Variants in GPC3 observed in about 807,000 individuals in gnomAD.
GPC3 encodes glypican 3.
In GPC3, 3 loss-of-function variants were observed where a neutral mutation model predicts 34.4. The observed-to-expected ratio is 0.09, with a 90% confidence interval of 0.04 to 0.23. GPC3 has a LOEUF of 0.23. GPC3 is among the 10% of genes least tolerant of loss of function. The pLI is 1.00. For missense variants in GPC3, 351 were observed against 445.6 expected (o/e 0.79, Z 1.91); for synonymous variants, 177 against 174.0 (o/e 1.02, Z -0.13).
At chrX:133,858,227 T>A (rs184892552) in intron 2 of GPC3, among the ~76,000 whole-genome samples, 65 of 112,328 alleles carry the variant, frequency 5.8e-4, no homozygotes, top group African/African-American at 2.0e-3. Flanking sequence ...CCTTCTCCTA[T>A]AACCACCCTT....
intron 7 of GPC3, among the ~76,000 whole-genome samples, chrX:133,541,601 C>T (rs1163030864): frequency 8.9e-6 from 1 of 112,342 alleles, no homozygotes; most frequent in African/African-American, 3.2e-5. Context: ...GCCCCTGACT[C>T]TCATTTCGCC....
At chrX:133,837,585 T>C (rs2075805546) in intron 2 of GPC3, among the ~76,000 whole-genome samples, 1 of 111,760 alleles carries the variant, frequency 8.9e-6, no homozygotes, top group Non-Finnish European at 1.9e-5. Flanking sequence ...CCTCATTGCC[T>C]GATTTGGAGT....
At chrX:133,974,038 TTTTTGTTTTG>T (rs369459584) in intron 1 of GPC3, among the ~76,000 whole-genome samples, 1 of 111,719 alleles carries the variant, frequency 9.0e-6, no homozygotes, top group African/African-American at 3.3e-5. Flanking sequence ...TTCAGCGTTT[TTTTTGTTTTG>T]TTTTGTTTTG....
intron 2 of GPC3, among the ~76,000 whole-genome samples, chrX:133,946,525 A>C (rs2076369663): frequency 9.0e-6 from 1 of 110,871 alleles, no homozygotes; most frequent in Non-Finnish European, 1.9e-5. Flanking sequence ...TCCTCACCCA[A>C]GCCCTCAACT....
Position 133,894,159 on chromosome X carries a change from C to T in GPC3, c.337+58891G>A, listed in dbSNP as rs764436798. ...TGCCCAGCCTGATTAAAAGTCTTGA[C>T]CTTTTGATTTTACAATGCAAGTTCA... On this transcript the variant is annotated intron_variant, in intron 2 of 7. Coordinates refer to ENST00000370818, the MANE Select transcript of GPC3 (RefSeq NM_004484.4). Among the ~76,000 whole-genome samples, 4 of 111,679 alleles carry T rather than the reference C, an allele frequency of 3.6e-5. No individual in the cohort carries two copies. The East Asian group carries it at 1.1e-3, about 32-fold the overall frequency.
chrX:133,964,124 T>C (rs1162823339), intron 1 of GPC3, among the ~76,000 whole-genome samples: 2 of 112,032 alleles, frequency 1.8e-5, no homozygotes, highest in Non-Finnish European at 3.8e-5. Flanking sequence ...CAGCCATAAA[T>C]GTTAGAACTG....
chrX:133,627,243 A>G (rs956702926), intron 6 of GPC3, among the ~76,000 whole-genome samples: 11 of 108,665 alleles, frequency 1.0e-4, no homozygotes, highest in South Asian at 4.3e-4. Flanking sequence ...CAGCACACCA[A>G]CATGGCACAT....
At chrX:133,788,088 T>TTATTTATA (rs2072120810) in intron 2 of GPC3, among the ~76,000 whole-genome samples, 1 of 64,945 alleles carries the variant, frequency 1.5e-5, no homozygotes, top group Non-Finnish European at 2.6e-5. Context: ...TCATATTATT[T>TTATTTATA]TATATATATA....
At chrX:133,632,445 T>C (rs1041990473) in intron 6 of GPC3, among the ~76,000 whole-genome samples, 5 of 111,223 alleles carry the variant, frequency 4.5e-5, no homozygotes, top group Admixed American at 1.9e-4. Flanking sequence ...GCTCAAAGAG[T>C]GGTTATCTCT....
intron 1 of GPC3, among the ~76,000 whole-genome samples, chrX:133,977,728 G>A (rs1490923079): frequency 1.8e-5 from 2 of 111,267 alleles, no homozygotes; most frequent in African/African-American, 3.3e-5. Context: ...TCATCCCTTC[G>A]TTTTTTATCC....
At chrX:133,854,446 G>T (rs773734905) in intron 2 of GPC3, among the ~76,000 whole-genome samples, 3 of 111,775 alleles carry the variant, frequency 2.7e-5, no homozygotes, top group Non-Finnish European at 3.8e-5. Context: ...GGTTATGGGG[G>T]ATGCAGAAAT....
intron 2 of GPC3, among the ~76,000 whole-genome samples, chrX:133,926,812 C>T (rs979989553): frequency 1.2e-4 from 11 of 94,262 alleles, no homozygotes; most frequent in Non-Finnish European, 2.3e-4. Context: ...CCCGGCAAAT[C>T]GGCAAATTCA....
intron 5 of GPC3, among the ~76,000 whole-genome samples, chrX:133,686,224 G>T (rs147775676): frequency 0.013 from 1,487 of 111,263 alleles, 26 homozygotes; most frequent in African/African-American, 0.045. Context: ...CAGAGATGAG[G>T]TCTGGTGATA....
intron 2 of GPC3, among the ~76,000 whole-genome samples, chrX:133,803,978 CCACACACACACACACACA>C (rs10571712): frequency 2.1e-5 from 2 of 94,295 alleles, no homozygotes; most frequent in Non-Finnish European, 2.1e-5. Context: ...TGAGATAAAT[CCACACACACACACACACA>C]CACACACACA....
chrX:133,587,141 T>A (rs1027064650), intron 7 of GPC3, among the ~76,000 whole-genome samples: 3 of 111,931 alleles, frequency 2.7e-5, no homozygotes, highest in African/African-American at 6.5e-5. Context: ...TGAGATCAAC[T>A]TTTTTTAGTT....
intron 6 of GPC3, among the ~76,000 whole-genome samples, chrX:133,621,314 G>C (rs1263061406): frequency 8.9e-6 from 1 of 111,779 alleles, no homozygotes; most frequent in Non-Finnish European, 1.9e-5. Flanking sequence ...TTCGGACAGT[G>C]GTTGCAGTCC....
intron 4 of GPC3, among the ~76,000 whole-genome samples, chrX:133,697,567 A>C (rs947986411): frequency 1.8e-5 from 2 of 111,632 alleles, no homozygotes. Context: ...ACTCTTTTGC[A>C]CCTAGCTCTG....
intron 3 of GPC3, among the ~76,000 whole-genome samples, chrX:133,715,078 A>G (rs1329385480): frequency 1.8e-5 from 2 of 112,102 alleles, no homozygotes; most frequent in African/African-American, 3.2e-5. Context: ...AGAGGCAGAC[A>G]CAACCTCAAT....
intron 7 of GPC3, among the ~76,000 whole-genome samples, chrX:133,587,431 T>C (rs1176239952): frequency 1.8e-5 from 2 of 112,217 alleles, no homozygotes; most frequent in East Asian, 2.8e-4. Context: ...CTCTTCAATA[T>C]ATTGGTTTCC....
Sources: allele counts gnomAD v4.1 joint callset (sites outside exome capture counted in the v4.1 genomes callset), GRCh38; gene constraint gnomAD v4.1.1; transcripts MANE v1.5; gene names NCBI Gene and HGNC (gene_info 2026-07-23, HGNC 2026-07-21).